The following SAR1A variants were observed in gnomAD, a reference collection of about 807,000 sequenced individuals.
The protein encoded by SAR1A is small COPII coat GTPase SAR1A.
SAR1A carries 6 observed loss-of-function variants against 22.6 expected under a neutral mutation model. The ratio of observed to expected loss-of-function variants is 0.27; its 90% confidence interval spans 0.15 to 0.52. The LOEUF is 0.52. Among genes scored for constraint, SAR1A ranks in the 20% least tolerant of loss-of-function variants. The probability of loss-of-function intolerance (pLI) is 0.96; values close to 1 mark genes in which losing one functional copy is unlikely to be tolerated. For missense variants in SAR1A, 145 were observed against 245.1 expected (o/e 0.59, Z 2.73); for synonymous variants, 70 against 82.2 (o/e 0.85, Z 0.80).
Position 70,161,757 on chromosome 10 carries a change from G to C in SAR1A, c.59-19C>G, listed in dbSNP as rs1469291566. Reference sequence around the variant, plus strand: ...TACAGTCCTAAAAGAGAAAAAAATTGTTAACACATTTGCTCTCTACAGACC... The same window carrying C: ...TACAGTCCTAAAAGAGAAAAAAATTCTTAACACATTTGCTCTCTACAGACC... On this transcript the variant is annotated intron_variant, in intron 2 of 6. Coordinates refer to ENST00000373241, the MANE Select transcript of SAR1A (RefSeq NM_020150.5). 6.2e-7 allele frequency: 1 copy of C among 1,613,720 alleles called. No individual in the cohort carries two copies. Among genetic ancestry groups the C allele is most frequent in the Admixed American group, 1.7e-5 (1 of 59,920 alleles).
chr10:70,154,501 T>C (rs1839362606), intron 5 of SAR1A, among the ~76,000 whole-genome samples: 1 of 51,450 alleles, frequency 1.9e-5, no homozygotes, highest in Admixed American at 2.2e-4. Flanking sequence ...GTTCACATTA[T>C]GTTTTTTTTC....
chr10:70,168,850 G>C (rs1411671059), intron 1 of SAR1A, among the ~76,000 whole-genome samples: 1 of 151,798 alleles, frequency 6.6e-6, no homozygotes, highest in Admixed American at 6.6e-5. Context: ...TCTTAAGACA[G>C]ACCAAGACTC....
intron 3 of SAR1A, chr10:70,161,286 A>G (rs1839464932): frequency 5.5e-6 from 3 of 548,010 alleles, no homozygotes; most frequent in Non-Finnish European, 9.6e-6. Context: ...GCAACGCCCC[A>G]CTCCCAACAA....
rs773836072 is a variant in SAR1A at position 70,152,560 on chromosome 10, G to A, written c.513C>T (p.Arg171=). The change falls in exon 7 of 7, where the codon CGC becomes CGT. Residue 171 remains arginine (R), a synonymous_variant. Coordinates refer to ENST00000373241, the MANE Select transcript of SAR1A (RefSeq NM_020150.5). The part of the protein sequence containing the change: ...GNVTLKELNA[R]PMEVFMCSVL... ...CACTGCACATGAACACTTCCATGGG[G>A]CGAGCATTCAGCTCCTTCAGGGTCA... The A allele has an allele frequency of 6.0e-5, 97 of 1,613,956 alleles. 1 individual carries two copies. In the Admixed American group the frequency reaches 1.6e-3, roughly 27 times the overall value.
rs559569022 is a variant in SAR1A at position 70,148,535 on chromosome 10, T to C, written c.*3941A>G. On this transcript the variant is annotated 3_prime_UTR_variant, in exon 7 of 7. Coordinates refer to ENST00000373241, the MANE Select transcript of SAR1A (RefSeq NM_020150.5). ...GGAGCACAGGGGCTCACACTTGGAA[T>C]CCCAGCACGTTGGGAGGCTGAGGTA... is the stretch of plus-strand genomic sequence containing the variant. The C allele has an allele frequency of 5.3e-5, 8 of 152,270 alleles. No homozygotes were observed. The highest frequency in any genetic ancestry group is 3.3e-4 in the Admixed American group (5 of 15,292). The allele number at this position is 152,270 out of a possible 1,614,324, so 9.4% of individuals were successfully genotyped here. A position where few individuals can be genotyped will look rare whatever the true frequency, so the allele number is the denominator to read the frequency against.
chr10:70,162,370 G>GAAGGGAAAGGGA (rs1331468166), intron 1 of SAR1A, among the ~76,000 whole-genome samples: 1 of 145,222 alleles, frequency 6.9e-6, no homozygotes, highest in African/African-American at 2.6e-5. Context: ...AAAGGAAAGG[G>GAAGGGAAAGGGA]AAGGGAAAGG....
chr10:70,149,507 ATTCT>A lies in SAR1A; in HGVS notation c.*2965_*2968del, dbSNP rs1007222689. ...TCTTCCTACAAGCCTAGTAAAGGAAATTCTTTCTTTCTCATTTTGCCAAATGTAG... is the reference window on the plus strand; with the variant it reads ...TCTTCCTACAAGCCTAGTAAAGGAAATTCTTTCTCATTTTGCCAAATGTAG... On this transcript the variant is annotated 3_prime_UTR_variant, in exon 7 of 7. Coordinates refer to ENST00000373241, the MANE Select transcript of SAR1A (RefSeq NM_020150.5). The A allele has an allele frequency of 5.1e-5, 7 of 137,816 alleles. No homozygotes were observed. Among genetic ancestry groups the A allele is most frequent in the East Asian group, 2.2e-4 (1 of 4,646 alleles). 8.5% of individuals were successfully genotyped at this position (137,816 alleles called of 1,614,324 possible). A position where few individuals can be genotyped will look rare whatever the true frequency, so the allele number is the denominator to read the frequency against.
chr10:70,166,022 G>A (rs530650831), intron 1 of SAR1A, among the ~76,000 whole-genome samples: 5 of 152,312 alleles, frequency 3.3e-5, no homozygotes, highest in South Asian at 2.1e-4. Flanking sequence ...GTTATGACTC[G>A]CAGAAGGCTC....
At chr10:70,169,469 C>A (rs943404538) in intron 1 of SAR1A, among the ~76,000 whole-genome samples, 2 of 152,190 alleles carry the variant, frequency 1.3e-5, no homozygotes, top group African/African-American at 4.8e-5. Context: ...TCTAAACTAT[C>A]AACAAAACAC....
At chr10:70,157,389 G>C (rs1288071537) in intron 5 of SAR1A, among the ~76,000 whole-genome samples, 1 of 138,776 alleles carries the variant, frequency 7.2e-6, no homozygotes, top group Non-Finnish European at 1.5e-5. Flanking sequence ...GGGCAACAGA[G>C]CAAGACTCCG....
rs1589872713 is a variant in SAR1A at position 70,152,101 on chromosome 10, G to A, written c.*375C>T. The A allele has an allele frequency of 3.9e-6, 1 of 258,142 alleles. No individual in the cohort carries two copies. The allele number at this position is 258,142 out of a possible 1,614,324, so 16.0% of individuals were successfully genotyped here. On this transcript the variant is annotated 3_prime_UTR_variant, in exon 7 of 7. Transcript: ENST00000373241. Reference sequence around the variant, plus strand: ...GTAAATTGTGAACTCAAAAAGTTAGGAGGGATACCAATTACATTAACAACG... The same window carrying A: ...GTAAATTGTGAACTCAAAAAGTTAGAAGGGATACCAATTACATTAACAACG...
At chr10:70,161,402 G>A in intron 3 of SAR1A, 2 of 597,372 alleles carry the variant, frequency 3.3e-6, no homozygotes, top group Non-Finnish European at 2.9e-6. Flanking sequence ...TAGGAGAGGT[G>A]TCCCTTTACA....
chr10:70,157,401 C>CAAAAAA lies in SAR1A; in HGVS notation c.348+357_348+362dup, dbSNP rs55801259. Among the ~76,000 whole-genome samples, 7 of 131,238 alleles carry CAAAAAA rather than the reference C, an allele frequency of 5.3e-5. 1 individual carries two copies. The highest frequency in any genetic ancestry group is 1.8e-4 in the African/African-American group (6 of 33,418). The allele number at this position is 131,238 out of a possible 152,430, so 86.1% of individuals were successfully genotyped here. ...CCTGGGCAACAGAGCAAGACTCCGTCAAAAAAAAAAAAAAAAAAAAAAAAA... is the reference window on the plus strand; with the variant it reads ...CCTGGGCAACAGAGCAAGACTCCGTCAAAAAAAAAAAAAAAAAAAAAAAAAAAAAAA... On this transcript the variant is annotated intron_variant, in intron 5 of 6. Coordinates refer to ENST00000373241, the MANE Select transcript of SAR1A (RefSeq NM_020150.5).
At chr10:70,153,314 A>G (rs564783767) in intron 6 of SAR1A, among the ~76,000 whole-genome samples, 2 of 152,222 alleles carry the variant, frequency 1.3e-5, no homozygotes, top group African/African-American at 2.4e-5. Flanking sequence ...TGGAAGACTC[A>G]AGTTCTTTTT....
Position 70,153,818 on chromosome 10 carries a change from C to T in SAR1A, c.480+20G>A, listed in dbSNP as rs759249141. The T allele has an allele frequency of 6.4e-7, 1 of 1,565,946 alleles. No homozygotes were observed. Among genetic ancestry groups the T allele is most frequent in the South Asian group, 1.2e-5 (1 of 83,292 alleles). On this transcript the variant is annotated intron_variant, in intron 6 of 6. Transcript: ENST00000373241. ...AACTGTTAATGTCCTTTATATGTAA[C>T]CCAAATATTTTTCTCTTACCTTTCC...
In SAR1A at chr10:70,161,662, G is replaced by C. The variant is rs771777820; in HGVS notation, c.135C>G (p.Leu45=). 1.2e-6 allele frequency: 2 copies of C among 1,612,354 alleles called. No individual in the cohort carries two copies. Among genetic ancestry groups the C allele is most frequent in the East Asian group, 2.2e-5 (1 of 44,884 alleles). ...NAGKTTLLHM[L]KDDRLGQHVP... ...CATGTTGGCCCAATCTGTCATCTTTGAGCATGTGAAGAAGAGTGGTTTTGC... is the reference window on the plus strand; with the variant it reads ...CATGTTGGCCCAATCTGTCATCTTTCAGCATGTGAAGAAGAGTGGTTTTGC... The change falls in exon 3 of 7, where the codon CTC becomes CTG. Residue 45 remains leucine (L), a synonymous_variant. Coordinates refer to ENST00000373241, the MANE Select transcript of SAR1A (RefSeq NM_020150.5).
At chr10:70,168,163 G>A (rs1253139426) in intron 1 of SAR1A, among the ~76,000 whole-genome samples, 1 of 152,222 alleles carries the variant, frequency 6.6e-6, no homozygotes, top group East Asian at 1.9e-4. Context: ...AATCCCGGCT[G>A]CTGCTGATTT....
intron 1 of SAR1A, among the ~76,000 whole-genome samples, chr10:70,164,348 G>A (rs1047912139): frequency 1.3e-5 from 2 of 152,104 alleles, no homozygotes; most frequent in African/African-American, 4.8e-5. Flanking sequence ...GGCTTACTCC[G>A]GATATATCTA....
intron 1 of SAR1A, among the ~76,000 whole-genome samples, chr10:70,168,511 G>A (rs1322495360): frequency 6.6e-6 from 1 of 152,108 alleles, no homozygotes; most frequent in Non-Finnish European, 1.5e-5. Context: ...AGAATCACTT[G>A]AACCCGGGAG....
Sources: gnomAD v4.1 joint callset for allele counts (sites outside exome capture counted in the v4.1 genomes callset) on GRCh38, gnomAD v4.1.1 for gene constraint, MANE v1.5 for transcripts, NCBI Gene and HGNC (gene_info 2026-07-23, HGNC 2026-07-21) for gene names.